Variants in AHSA1 observed in about 807,000 individuals in gnomAD.
AHSA1 encodes the protein activator of HSP90 ATPase activity 1.
In AHSA1, 14 loss-of-function variants were observed where a neutral mutation model predicts 46.1. The observed-to-expected ratio is 0.30, with a 90% CI of 0.20 to 0.47. AHSA1 has a LOEUF of 0.47. Among genes scored for constraint, AHSA1 ranks in the 20% least tolerant of loss-of-function variants. The probability of loss-of-function intolerance (pLI) is 0.99; values close to 1 mark genes in which losing one functional copy is unlikely to be tolerated. For missense variants in AHSA1, 333 were observed against 415.9 expected (o/e 0.80, Z 1.73); for synonymous variants, 147 against 145.8 (o/e 1.01, Z -0.06).
chr14:77,460,108 A>G lies in AHSA1; in HGVS notation c.271+302A>G, dbSNP rs184468799. 6.5e-3 allele frequency: 2,544 copies of G among 392,384 alleles called. 18 individuals are homozygous for G. The highest frequency in any genetic ancestry group is 0.01 in the Non-Finnish European group (2,138 of 210,436). The allele number at this position is 392,384 out of a possible 1,614,324, so 24.3% of individuals were successfully genotyped here. ...ATATTTCTTCAGACTAGCTACATGTATCTTGTGAGTGATTTAAAAGGAGGA... is the reference window on the plus strand; with the variant it reads ...ATATTTCTTCAGACTAGCTACATGTGTCTTGTGAGTGATTTAAAAGGAGGA... On this transcript the variant is annotated intron_variant, in intron 2 of 8. Coordinates refer to ENST00000216479, the MANE Select transcript of AHSA1 (RefSeq NM_012111.3).
chr14:77,462,313 C>CAT, intron 3 of AHSA1, 71 bp downstream of exon 3: 2 of 1,441,710 alleles, frequency 1.4e-6, no homozygotes, highest in Non-Finnish European at 1.9e-6. Context: ...AGTGACCTGT[C>CAT]ATTCAGGATT....
chr14:77,462,490 A>C, intron 3 of AHSA1, 152 bp from the exon 4 acceptor site: 2 of 803,772 alleles, frequency 2.5e-6, no homozygotes, highest in Non-Finnish European at 4.2e-6. Flanking sequence ...GAGAGGACTC[A>C]AGAAGGAACA....
At chr14:77,464,511 G>C (rs2079039643) in intron 4 of AHSA1, 87 bp from the exon 5 acceptor site, 3 of 1,132,546 alleles carry the variant, frequency 2.6e-6, no homozygotes, top group Admixed American at 2.1e-5. Context: ...TCTGTGGTAG[G>C]ATGGCTGTGT....
intron 5 of AHSA1, 33 bp from the exon 6 acceptor site, chr14:77,465,506 C>T (rs764918963): frequency 6.2e-7 from 1 of 1,608,448 alleles, no homozygotes; most frequent in Non-Finnish European, 8.5e-7. Flanking sequence ...TATCATTACT[C>T]TGTATTGATC....
intron 6 of AHSA1, 107 bp downstream of exon 6, chr14:77,465,774 C>A: frequency 4.4e-6 from 5 of 1,145,922 alleles, no homozygotes; most frequent in Non-Finnish European, 6.0e-6. Context: ...CACAAACTCA[C>A]AACTGGAGCC....
intron 2 of AHSA1, among the ~76,000 whole-genome samples, chr14:77,460,816 AGGGAC>A (rs2079019196): frequency 6.6e-6 from 1 of 151,418 alleles, no homozygotes; most frequent in Non-Finnish European, 1.5e-5. Context: ...TTTTTAATAT[AGGGAC>A]TAAAAATTGG....
Position 77,459,098 on chromosome 14 carries a change from T to C in AHSA1, c.81-518T>C, listed in dbSNP as rs528747345. On this transcript the variant is annotated intron_variant, in intron 1 of 8. Transcript: ENST00000216479. ...ACTTGACCTAATTTTTGTTGTTTGT[T>C]TTGAAGCCCTGGACTTAACGTTTTT... Among the ~76,000 whole-genome samples, 39 of 152,330 alleles carry C rather than the reference T, an allele frequency of 2.6e-4. 1 individual carries two copies. In the South Asian group the frequency reaches 7.9e-3, roughly 31 times the overall value.
intron 2 of AHSA1, among the ~76,000 whole-genome samples, chr14:77,460,924 C>G (rs955612523): frequency 2.6e-5 from 4 of 151,864 alleles, no homozygotes; most frequent in African/African-American, 9.7e-5. Context: ...CTTTGGGAGG[C>G]CAAGGTGGGC....
intron 6 of AHSA1, 75 bp from the exon 7 acceptor site, chr14:77,468,008 C>T: frequency 9.6e-7 from 1 of 1,041,886 alleles, no homozygotes; most frequent in Non-Finnish European, 1.4e-6. Context: ...CTTCAGCTGG[C>T]ATTTGTCCTT....
intron 2 of AHSA1, among the ~76,000 whole-genome samples, chr14:77,461,052 G>T (rs7149534): frequency 3.3e-5 from 5 of 151,638 alleles, no homozygotes; most frequent in African/African-American, 4.9e-5. Context: ...CCAGCTACTC[G>T]GGAGGCTGAG....
chr14:77,468,999 C>T lies in AHSA1; in HGVS notation c.845-78C>T, dbSNP rs767437200. The T allele has an allele frequency of 8.0e-5, 123 of 1,544,342 alleles. 1 individual carries two copies. Among genetic ancestry groups the T allele is most frequent in the Non-Finnish European group, 9.8e-5 (111 of 1,128,982 alleles). ...CTGGGATTACAGGTGTGAGCCACCACGCCCAGCCAGGTTGCCCCAGTCTTA... is the reference window on the plus strand; with the variant it reads ...CTGGGATTACAGGTGTGAGCCACCATGCCCAGCCAGGTTGCCCCAGTCTTA... On this transcript the variant is annotated intron_variant, in intron 8 of 8. Transcript: ENST00000216479.
Position 77,468,084 on chromosome 14 carries a change from T to C in AHSA1, c.692T>C (p.Leu231Pro). The C allele has an allele frequency of 9.6e-7, 1 of 1,042,046 alleles. No homozygotes were observed. The highest frequency in any genetic ancestry group is 1.4e-6 in the Non-Finnish European group (1 of 731,876). 64.5% of individuals were successfully genotyped at this position (1,042,046 alleles called of 1,614,324 possible). A position where few individuals can be genotyped will look rare whatever the true frequency, so the allele number is the denominator to read the frequency against. ...ELYRVFTTQELVQAFTHAPAT... is the reference protein window; with the variant it reads ...ELYRVFTTQEPVQAFTHAPAT... ...TTTTTTTTTTTTTTTTCCCTGCAGC[T>C]GGTGCAGGCCTTTACCCATGCTCCT... Residue 231 changes from leucine to proline, a missense_variant and splice_region_variant, in exon 7 of 9, where the codon CTG becomes CCG. Coordinates refer to ENST00000216479, the MANE Select transcript of AHSA1 (RefSeq NM_012111.3).
intron 6 of AHSA1, 69 bp downstream of exon 6, chr14:77,465,736 C>G (rs1472418226): frequency 9.7e-6 from 15 of 1,546,176 alleles, no homozygotes; most frequent in African/African-American, 1.4e-5. Flanking sequence ...GGGGGCATAT[C>G]CCTTCAGCAG....
Position 77,468,528 on chromosome 14 carries a change from G to A in AHSA1, c.844+20G>A. On this transcript the variant is annotated intron_variant, in intron 8 of 8. Coordinates refer to ENST00000216479, the MANE Select transcript of AHSA1 (RefSeq NM_012111.3). ...CAGAGGGTAAGTAAACATATTTATT[G>A]CCATTACCCCCAGAACTTTTTCTCT... 1 of 1,593,216 alleles carries A rather than the reference G, an allele frequency of 6.3e-7. No homozygotes were observed. The highest frequency in any genetic ancestry group is 8.6e-7 in the Non-Finnish European group (1 of 1,165,644).
At chr14:77,463,101 G>A (rs1039174997) in intron 4 of AHSA1, 7 of 225,684 alleles carry the variant, frequency 3.1e-5, no homozygotes, top group South Asian at 1.3e-4. Flanking sequence ...GCAACATGGC[G>A]AAACCCTGTC....
chr14:77,459,921 C>A, intron 2 of AHSA1, 115 bp downstream of exon 2: 2 of 1,202,790 alleles, frequency 1.7e-6, no homozygotes, highest in South Asian at 1.3e-5. Flanking sequence ...GCAGATGTTG[C>A]TGCTTTGGAG....
intron 2 of AHSA1, among the ~76,000 whole-genome samples, chr14:77,460,602 G>A (rs539273198): frequency 7.5e-5 from 11 of 146,936 alleles, no homozygotes; most frequent in Admixed American, 3.4e-4. Flanking sequence ...AGTTTTGCTC[G>A]TCACCCAGGC....
upstream of AHSA1, chr14:77,457,901 G>C: frequency 2.0e-6 from 1 of 499,650 alleles, no homozygotes; most frequent in Non-Finnish European, 3.5e-6. Flanking sequence ...AGGAATGGTT[G>C]TATGAGCAGT....
intron 8 of AHSA1, 54 bp downstream of exon 8, chr14:77,468,562 A>ATTTTTT (rs36001778): frequency 1.7e-5 from 19 of 1,090,806 alleles, no homozygotes; most frequent in East Asian, 2.7e-5. Context: ...CTTTGCTGTA[A>ATTTTTT]TTTTTTTTTT....
Sources: allele counts gnomAD v4.1 joint callset (sites outside exome capture counted in the v4.1 genomes callset), GRCh38; gene constraint gnomAD v4.1.1; transcripts MANE v1.5; gene names NCBI Gene and HGNC (gene_info 2026-07-23, HGNC 2026-07-21).